TRIM55: variants seen among roughly 807,000 people sequenced by gnomAD.
TRIM55 encodes the protein tripartite motif containing 55.
In TRIM55, 50 loss-of-function variants were observed where a neutral mutation model predicts 60.9. The ratio of observed to expected loss-of-function variants is 0.82; its 90% confidence interval spans 0.65 to 1.04. The LOEUF is 1.04. Ranked by LOEUF, TRIM55 falls within the 50% of genes least tolerant of loss-of-function variation. The probability of loss-of-function intolerance (pLI) is 0.00; values close to 1 mark genes in which losing one functional copy is unlikely to be tolerated. For synonymous variants in TRIM55, 237 were observed against 238.1 expected (o/e 1.00, Z 0.04); for missense variants, 681 against 666.9 (o/e 1.02, Z -0.23).
rs1049357236 is a variant in TRIM55 at position 66,154,140 on chromosome 8, A to G, written c.1330A>G (p.Ser444Gly). ...AETADPLFYP[S>G]WYKGQTRKAT... ...AACTGCGGATCCCTTGTTTTACCCT[A>G]GTTGGTATAAAGGCCAAACCCGGAA... is the stretch of plus-strand genomic sequence containing the variant. Residue 444 changes from serine (S) to glycine (G), a missense_variant, in exon 9 of 10, where the codon AGT becomes GGT. Ser to Gly is a moderately conservative substitution (Grantham distance 56). Transcript: ENST00000315962. 7 of 1,613,812 alleles carry G rather than the reference A, an allele frequency of 4.3e-6. No individual in the cohort carries two copies. In the African/African-American group the frequency reaches 5.3e-5, roughly 12 times the overall value.
At position 66,173,844 on chromosome 8, in the gene TRIM55, T is replaced by TTC. The variant is rs1245888093; in HGVS notation, c.1525-625_1525-624dup. Among the ~76,000 whole-genome samples, 5 of 152,194 alleles carry TTC rather than the reference T, an allele frequency of 3.3e-5. No homozygotes were observed. In the East Asian group the frequency reaches 9.6e-4, roughly 29 times the overall value. On this transcript the variant is annotated intron_variant, in intron 9 of 9. Transcript: ENST00000315962. ...TCAGGTGCCTACAAAAGATAATTAT[T>TTC]TCTTTAGACATGCTTATATTGGATT...
At chr8:66,150,911 C>T (rs944073349) in intron 7 of TRIM55, among the ~76,000 whole-genome samples, 2 of 152,214 alleles carry the variant, frequency 1.3e-5, no homozygotes, top group African/African-American at 4.8e-5. Flanking sequence ...GGTGATCCAC[C>T]TGCCTTGGCC....
At chr8:66,135,914 A>G (rs1809457222) in intron 3 of TRIM55, among the ~76,000 whole-genome samples, 2 of 152,106 alleles carry the variant, frequency 1.3e-5, no homozygotes, top group Non-Finnish European at 2.9e-5. Context: ...AGGTGCAGCC[A>G]CTCCAGGCAC....
the TRIM55 span, among the ~76,000 whole-genome samples, chr8:66,121,431 A>T: frequency 6.6e-6 from 1 of 152,072 alleles, no homozygotes; most frequent in East Asian, 1.9e-4. Context: ...CTTCTATATA[A>T]ACCAAAATAC....
chr8:66,152,579 A>G lies in TRIM55; in HGVS notation c.1188A>G (p.Pro396=). The change falls in exon 8 of 10, where the codon CCA becomes CCG. Residue 396 remains proline, a synonymous_variant. Transcript: ENST00000315962. ...AAPGALPVSS[P]EPPPALPPAA... ...CTGGGGCACTTCCAGTTTCCTCTCC[A>G]GAGCCACCTCCAGCCCTGCCACCTG... 6.2e-7 allele frequency: 1 copy of G among 1,614,164 alleles called. No individual in the cohort carries two copies. Among genetic ancestry groups the G allele is most frequent in the Non-Finnish European group, 8.5e-7 (1 of 1,180,036 alleles).
Position 66,152,359 on chromosome 8 carries a change from G to T in TRIM55, c.986-18G>T, listed in dbSNP as rs367768929. 1 of 1,555,168 alleles carries T rather than the reference G, an allele frequency of 6.4e-7. No homozygotes were observed. The highest frequency in any genetic ancestry group is 8.7e-7 in the Non-Finnish European group (1 of 1,151,832). ...CAGAGATAGTTATAACAATTTACAA[G>T]ATACCTTACCTTACCAGAAGATGAA... On this transcript the variant is annotated intron_variant, in intron 7 of 9. Coordinates refer to ENST00000315962, the MANE Select transcript of TRIM55 (RefSeq NM_184085.2).
chr8:66,151,514 C>T (rs1242108893), intron 7 of TRIM55, among the ~76,000 whole-genome samples: 2 of 152,082 alleles, frequency 1.3e-5, no homozygotes, highest in African/African-American at 4.8e-5. Flanking sequence ...TTAAAAAAAT[C>T]GCTTAATATT....
chr8:66,151,219 C>T (rs933708307), intron 7 of TRIM55, among the ~76,000 whole-genome samples: 16 of 152,118 alleles, frequency 1.1e-4, no homozygotes, highest in African/African-American at 3.6e-4. Flanking sequence ...AAGTCACAAC[C>T]TGAACATAAA....
intron 4 of TRIM55, among the ~76,000 whole-genome samples, chr8:66,146,148 A>G (rs1810084210): frequency 6.6e-6 from 1 of 152,236 alleles, no homozygotes. Context: ...TATGCCAGGT[A>G]ATATTATAAG....
chr8:66,157,748 A>C (rs945850788), intron 9 of TRIM55, among the ~76,000 whole-genome samples: 1 of 152,126 alleles, frequency 6.6e-6, no homozygotes, highest in African/African-American at 2.4e-5. Context: ...CCTTACATCC[A>C]TGTACACAGT....
chr8:66,159,376 CT>C (rs1810921832), intron 9 of TRIM55, among the ~76,000 whole-genome samples: 1 of 152,106 alleles, frequency 6.6e-6, no homozygotes, highest in African/African-American at 2.4e-5. Flanking sequence ...TATCTCAGTT[CT>C]TTTTATTCCC....
At chr8:66,114,769 G>T in the TRIM55 span, 1 of 366,142 alleles carries the variant, frequency 2.7e-6, no homozygotes, top group South Asian at 2.0e-5. Context: ...GCAAAAGGTA[G>T]CCCTGGAGAG....
chr8:66,150,483 A>G lies in TRIM55; in HGVS notation c.985+17A>G, dbSNP rs1358500421. ...TTTACAGAGGTTTGTTATTCTTTTG[A>G]CCATTTGGCCGAAGTTGCAGGTGTG... On this transcript the variant is annotated intron_variant, in intron 7 of 9. Transcript: ENST00000315962. 2 of 1,613,458 alleles carry G rather than the reference A, an allele frequency of 1.2e-6. No individual in the cohort carries two copies. The highest frequency in any genetic ancestry group is 2.7e-5 in the African/African-American group (2 of 75,038).
intron 4 of TRIM55, among the ~76,000 whole-genome samples, chr8:66,138,274 A>G (rs1317225658): frequency 6.6e-6 from 1 of 152,172 alleles, no homozygotes; most frequent in African/African-American, 2.4e-5. Context: ...TTCTGTTTGT[A>G]TTCTTATAAA....
intron 4 of TRIM55, among the ~76,000 whole-genome samples, chr8:66,147,749 C>A (rs564090531): frequency 6.9e-5 from 10 of 145,808 alleles, no homozygotes; most frequent in African/African-American, 2.5e-4. Context: ...GAGCCGAGAT[C>A]GCGCCATTGC....
rs55659013 is a variant in TRIM55, at chr8:66,135,243, G to A, written c.507+88G>A. On this transcript the variant is annotated intron_variant, in intron 3 of 9. Coordinates refer to ENST00000315962, the MANE Select transcript of TRIM55 (RefSeq NM_184085.2). The stretch of plus-strand genomic sequence containing the variant: ...GGGGCCAGTGTGAGTGGCTCCCTGC[G>A]GTGGAGGAGGAAGCCCAAGCCACGC... 5,900 of 1,461,314 alleles carry A rather than the reference G, an allele frequency of 4.0e-3. 21 individuals are homozygous for A. Among genetic ancestry groups the A allele is most frequent in the Non-Finnish European group, 4.5e-3 (4,768 of 1,053,248 alleles). 90.5% of individuals were successfully genotyped at this position (1,461,314 alleles called of 1,614,324 possible). A position where few individuals can be genotyped will look rare whatever the true frequency, so the allele number is the denominator to read the frequency against.
rs142699230 is a variant in TRIM55, at chr8:66,135,113, C to T, written c.465C>T (p.Asp155=). 6 of 1,614,116 alleles carry T rather than the reference C, an allele frequency of 3.7e-6. No individual in the cohort carries two copies. Among genetic ancestry groups the T allele is most frequent in the Non-Finnish European group, 5.1e-6 (6 of 1,180,052 alleles). The change falls in exon 3 of 10, where the codon GAC becomes GAT. Residue 155 remains aspartate, a synonymous_variant. Transcript: ENST00000315962. ...GCAAGGTGTTTGGTGCACACAAAGA[C>T]TGCCAGGTGGCTCCCCTCACTCATG... ...SLCKVFGAHK[D]CQVAPLTHVF... is the part of the protein sequence containing the mutation.
At chr8:66,120,519 G>C in the TRIM55 span, among the ~76,000 whole-genome samples, 1 of 152,204 alleles carries the variant, frequency 6.6e-6, no homozygotes, top group Non-Finnish European at 1.5e-5. Context: ...GCAAGGAGAA[G>C]CTGAAGATTG....
At chr8:66,173,808 A>G (rs1441014683) in intron 9 of TRIM55, among the ~76,000 whole-genome samples, 1 of 152,146 alleles carries the variant, frequency 6.6e-6, no homozygotes, top group Non-Finnish European at 1.5e-5. Flanking sequence ...CAGAATTGCA[A>G]CCTGTCTATC....
Sources: allele counts gnomAD v4.1 joint callset (sites outside exome capture counted in the v4.1 genomes callset), GRCh38; gene constraint gnomAD v4.1.1; transcripts MANE v1.5; gene names NCBI Gene and HGNC (gene_info 2026-07-23, HGNC 2026-07-21).